TRAPPC9: variants seen among roughly 807,000 people sequenced by gnomAD.
TRAPPC9 encodes the protein trafficking protein particle complex subunit 9, also known as IKK2 binding protein.
TRAPPC9 carries 83 observed loss-of-function variants against 124.0 expected under a neutral mutation model. The observed-to-expected ratio is 0.67, with a 90% CI of 0.56 to 0.80. The LOEUF (loss-of-function observed/expected upper bound fraction) is 0.80. TRAPPC9 is among the 30% of genes least tolerant of loss of function. The probability of loss-of-function intolerance (pLI) is 0.00; values close to 1 mark genes in which losing one functional copy is unlikely to be tolerated. For synonymous variants in TRAPPC9, 638 were observed against 617.5 expected (o/e 1.03, Z -0.49); for missense variants, 1,302 against 1,508.3 (o/e 0.86, Z 2.27).
intron 17 of TRAPPC9, among the ~76,000 whole-genome samples, chr8:140,189,220 C>A (rs1256288538): frequency 3.3e-5 from 5 of 152,324 alleles, no homozygotes; most frequent in Middle Eastern, 3.4e-3. Flanking sequence ...TGAAAGAATG[C>A]TGGAACCAAG....
At chr8:140,115,787 C>A (rs898630207) in intron 17 of TRAPPC9, among the ~76,000 whole-genome samples, 2 of 152,024 alleles carry the variant, frequency 1.3e-5, no homozygotes, top group Admixed American at 1.3e-4. Flanking sequence ...GCTTGTTCCA[C>A]ACTTACGGGC....
rs368798383 is a variant in TRAPPC9, at chr8:140,202,550, TA to T, written c.2556+18908del. Among the ~76,000 whole-genome samples, 170 of 152,118 alleles carry T rather than the reference TA, an allele frequency of 1.1e-3. 1 individual carries two copies. In the East Asian group the frequency reaches 0.031, roughly 28 times the overall value. ...GGCCACTTTATAAAAGTAGAAAAAA[TA>T]ATAGAGAAAAACCTTTCATAGAACT... On this transcript the variant is annotated intron_variant, in intron 17 of 22. Transcript: ENST00000438773.
intron 15 of TRAPPC9, chr8:140,262,876 AG>A (rs1271728727): frequency 4.6e-5 from 7 of 152,272 alleles, no homozygotes; most frequent in African/African-American, 1.7e-4. Context: ...TTCTACTTGA[AG>A]GGCTCGGGAA....
intron 9 of TRAPPC9, among the ~76,000 whole-genome samples, chr8:140,355,659 G>C (rs911495495): frequency 2.6e-5 from 4 of 152,192 alleles, no homozygotes; most frequent in African/African-American, 9.7e-5. Context: ...ATTAACTAAG[G>C]GCTCTGGCCA....
intron 18 of TRAPPC9, among the ~76,000 whole-genome samples, chr8:140,013,024 G>A (rs1161861443): frequency 4.6e-5 from 7 of 152,156 alleles, no homozygotes; most frequent in African/African-American, 1.4e-4. Flanking sequence ...AGACGACAGC[G>A]CCTCAACACC....
chr8:140,317,790 A>G (rs1437546016), intron 9 of TRAPPC9, among the ~76,000 whole-genome samples: 1 of 152,208 alleles, frequency 6.6e-6, no homozygotes, highest in African/African-American at 2.4e-5. Flanking sequence ...TCTTTAAGGC[A>G]AGGGATTCTG....
At chr8:140,272,116 A>AATGATGATGGTGGCG (rs1554657918) in intron 15 of TRAPPC9, among the ~76,000 whole-genome samples, 1 of 120,118 alleles carries the variant, frequency 8.3e-6, no homozygotes. Context: ...TGGTGGTGGC[A>AATGATGATGGTGGCG]ATGGTGATGG....
At chr8:139,949,459 C>T (rs372415084) in intron 19 of TRAPPC9, among the ~76,000 whole-genome samples, 1 of 152,150 alleles carries the variant, frequency 6.6e-6, no homozygotes, top group Admixed American at 6.5e-5. Flanking sequence ...CACACAGTAG[C>T]GTCATTCGTG....
chr8:140,323,209 G>C (rs1485931909), intron 9 of TRAPPC9, among the ~76,000 whole-genome samples: 2 of 152,208 alleles, frequency 1.3e-5, no homozygotes, highest in Non-Finnish European at 2.9e-5. Context: ...CTCCTGGAGG[G>C]TGGTACACCT....
chr8:140,386,971 A>G (rs994585150), intron 7 of TRAPPC9, among the ~76,000 whole-genome samples: 3 of 152,224 alleles, frequency 2.0e-5, no homozygotes, highest in African/African-American at 7.2e-5. Flanking sequence ...AAACAGAGAT[A>G]TAGACCAATG....
At chr8:140,010,050 A>G (rs1308763309) in intron 18 of TRAPPC9, among the ~76,000 whole-genome samples, 1 of 152,218 alleles carries the variant, frequency 6.6e-6, no homozygotes, top group Non-Finnish European at 1.5e-5. Context: ...AAAATGACAG[A>G]CCAAAATCTA....
At chr8:139,940,875 G>A (rs950776350) in intron 19 of TRAPPC9, among the ~76,000 whole-genome samples, 6 of 152,232 alleles carry the variant, frequency 3.9e-5, no homozygotes, top group Non-Finnish European at 5.9e-5. Flanking sequence ...CCGGCAGGGC[G>A]CTGGGCCAGG....
chr8:140,272,901 T>TC (rs2065003298), intron 15 of TRAPPC9, among the ~76,000 whole-genome samples: 1 of 139,604 alleles, frequency 7.2e-6, no homozygotes, highest in South Asian at 2.6e-4. Context: ...GGATGATACT[T>TC]CAACATGAGA....
intron 9 of TRAPPC9, among the ~76,000 whole-genome samples, chr8:140,322,906 G>T (rs2066634881): frequency 6.6e-6 from 1 of 152,174 alleles, no homozygotes; most frequent in African/African-American, 2.4e-5. Flanking sequence ...TATCTACTTG[G>T]CCTTTGACTA....
At chr8:140,253,966 A>G (rs1010854590) in intron 15 of TRAPPC9, among the ~76,000 whole-genome samples, 2 of 152,220 alleles carry the variant, frequency 1.3e-5, no homozygotes, top group Non-Finnish European at 2.9e-5. Context: ...TACTATCTGT[A>G]AAAGCACCAA....
At chr8:139,780,193 G>C (rs1233244176) in intron 21 of TRAPPC9, among the ~76,000 whole-genome samples, 1 of 152,104 alleles carries the variant, frequency 6.6e-6, no homozygotes, top group Non-Finnish European at 1.5e-5. Context: ...AAAAGATCCA[G>C]AATAACTAAC....
At chr8:140,287,078 G>A (rs76909936) in intron 13 of TRAPPC9, among the ~76,000 whole-genome samples, 309 of 152,226 alleles carry the variant, frequency 2.0e-3, no homozygotes, top group African/African-American at 6.6e-3. Context: ...GGGTAGGCTC[G>A]CAGCAGCCAG....
intron 9 of TRAPPC9, among the ~76,000 whole-genome samples, chr8:140,311,620 A>T (rs562524325): frequency 6.6e-6 from 1 of 152,296 alleles, no homozygotes; most frequent in Admixed American, 6.5e-5. Flanking sequence ...CCTCCAGGAG[A>T]CTTCCATTTT....
At position 140,451,053 on chromosome 8, in the gene TRAPPC9, G is replaced by A. The variant is rs1486397346; in HGVS notation, c.321C>T (p.Gly107=). Residue 107 remains glycine (G), a synonymous_variant, in exon 2 of 23, where the codon GGC becomes GGT. Transcript: ENST00000438773. The part of the protein sequence containing the change: ...EKFHVQKEIY[G]STLYDSRLFV... ...AGAGCCGGGAGTCATACAGTGTGGA[G>A]CCGTAGATCTCCTTCTGCACGTGGA... The A allele has an allele frequency of 8.7e-6, 14 of 1,613,950 alleles. No individual in the cohort carries two copies. The highest frequency in any genetic ancestry group is 1.3e-5 in the African/African-American group (1 of 74,918).
Sources: gnomAD v4.1 joint callset for allele counts (sites outside exome capture counted in the v4.1 genomes callset) on GRCh38, gnomAD v4.1.1 for gene constraint, MANE v1.5 for transcripts, NCBI Gene and HGNC (gene_info 2026-07-23, HGNC 2026-07-21) for gene names.